Variants in SLC9C1 observed in about 807,000 individuals in gnomAD.
SLC9C1 encodes the protein sodium/hydrogen exchanger 10.
SLC9C1 carries 97 observed loss-of-function variants against 140.9 expected under a neutral mutation model. That is an observed-to-expected ratio of 0.69 (90% CI 0.58 to 0.82). SLC9C1 has a LOEUF of 0.82. Among genes scored for constraint, SLC9C1 ranks in the 40% least tolerant of loss-of-function variants. The pLI, the probability that SLC9C1 is intolerant of heterozygous loss-of-function variation, is 0.00. For synonymous variants in SLC9C1, 440 were observed against 442.6 expected (o/e 0.99, Z 0.07); for missense variants, 1,340 against 1,389.3 (o/e 0.96, Z 0.56).
intron 28 of SLC9C1, among the ~76,000 whole-genome samples, chr3:112,150,412 C>G (rs2074922683): frequency 6.6e-6 from 1 of 152,132 alleles, no homozygotes; most frequent in Admixed American, 6.5e-5. Flanking sequence ...GGGAAGCTCT[C>G]TACTTCTCTC....
At chr3:112,233,858 G>A (rs1287567241) in intron 12 of SLC9C1, among the ~76,000 whole-genome samples, 5 of 151,944 alleles carry the variant, frequency 3.3e-5, no homozygotes, top group African/African-American at 1.2e-4. Context: ...TATGTGCCAC[G>A]TTTTCTTAAT....
intron 26 of SLC9C1, 130 bp downstream of exon 26, chr3:112,167,091 G>A (rs185335342): frequency 8.7e-5 from 81 of 927,102 alleles, no homozygotes; most frequent in Non-Finnish European, 9.3e-5. Flanking sequence ...ACATTGAATA[G>A]CAAATATGGC....
At chr3:112,186,010 C>T (rs2077532617) in intron 20 of SLC9C1, 2 of 1,506,252 alleles carry the variant, frequency 1.3e-6, no homozygotes, top group East Asian at 4.7e-5. Flanking sequence ...TATTTAGCAC[C>T]TTTTCTTATG....
In SLC9C1 at chr3:112,169,195, A is replaced by G; in HGVS notation, c.3051+2T>C. The stretch of plus-strand genomic sequence containing the variant: ...AGACAAGTTTATACAAGCACTTCCT[A>G]CCTCATAAGATAAGTGTTCTCTGAT... On this transcript the variant is annotated splice_donor_variant, in intron 24 of 28. Coordinates refer to ENST00000305815, the MANE Select transcript of SLC9C1 (RefSeq NM_183061.3). LOFTEE classifies it high-confidence loss of function. The G allele has an allele frequency of 6.2e-7, 1 of 1,610,860 alleles. No homozygotes were observed. Among genetic ancestry groups the G allele is most frequent in the Non-Finnish European group, 8.5e-7 (1 of 1,179,088 alleles).
Position 112,257,827 on chromosome 3 carries a change from T to A in SLC9C1, c.1197+5097A>T, listed in dbSNP as rs11923576. ...CTGACAAAGGTCTAATATCCAGCAT[T>A]TATAAGGAACTTAAACAAATTTACA... On this transcript the variant is annotated intron_variant, in intron 10 of 28. Transcript: ENST00000305815. 6.1e-3 allele frequency among the ~76,000 whole-genome samples: 924 copies of A among 152,134 alleles called. 13 individuals are homozygous for A. The highest frequency in any genetic ancestry group is 0.021 in the African/African-American group (884 of 41,508).
chr3:112,196,686 T>G (rs943336226), intron 20 of SLC9C1, among the ~76,000 whole-genome samples: 1 of 152,138 alleles, frequency 6.6e-6, no homozygotes, highest in Non-Finnish European at 1.5e-5. Flanking sequence ...ATTTTTAGAT[T>G]TTCGTTATTG....
chr3:112,191,873 T>G (rs1025637753), intron 20 of SLC9C1, among the ~76,000 whole-genome samples: 1 of 152,088 alleles, frequency 6.6e-6, no homozygotes, highest in African/African-American at 2.4e-5. Flanking sequence ...AATCTATCAT[T>G]TCTTCCTAAT....
At chr3:112,181,546 G>T (rs749419557) in intron 21 of SLC9C1, among the ~76,000 whole-genome samples, 3 of 152,152 alleles carry the variant, frequency 2.0e-5, no homozygotes, top group Admixed American at 6.5e-5. Flanking sequence ...TAGGGGCTGG[G>T]TATTCAAAAG....
At chr3:112,219,301 C>T (rs998217689) in intron 14 of SLC9C1, among the ~76,000 whole-genome samples, 9 of 141,488 alleles carry the variant, frequency 6.4e-5, no homozygotes, top group Non-Finnish European at 1.4e-4. Flanking sequence ...ATCAGCTCAG[C>T]AAAGAAGCAA....
chr3:112,283,783 C>T (rs1263955549), intron 2 of SLC9C1, among the ~76,000 whole-genome samples: 2 of 130,628 alleles, frequency 1.5e-5, no homozygotes, highest in African/African-American at 5.9e-5. Flanking sequence ...TCCATGACCA[C>T]AGTATTGAGA....
intron 26 of SLC9C1, among the ~76,000 whole-genome samples, chr3:112,165,543 C>G (rs887635321): frequency 6.6e-6 from 1 of 152,166 alleles, no homozygotes; most frequent in Non-Finnish European, 1.5e-5. Flanking sequence ...CACTCCAGAC[C>G]CTGTTTGCCT....
At chr3:112,189,182 C>G (rs985352191) in intron 20 of SLC9C1, among the ~76,000 whole-genome samples, 12 of 152,252 alleles carry the variant, frequency 7.9e-5, no homozygotes, top group Non-Finnish European at 1.6e-4. Context: ...TGTAAGTTGC[C>G]TGTTCACTCT....
intron 16 of SLC9C1, among the ~76,000 whole-genome samples, chr3:112,205,700 A>T (rs1395321692): frequency 7.9e-6 from 1 of 126,720 alleles, no homozygotes; most frequent in Non-Finnish European, 1.7e-5. Context: ...ATAATGCTGC[A>T]TATCTACAAC....
intron 20 of SLC9C1, chr3:112,186,012 T>G: frequency 2.7e-6 from 4 of 1,498,312 alleles, no homozygotes; most frequent in Non-Finnish European, 3.6e-6. Flanking sequence ...TTTAGCACCT[T>G]TTCTTATGTG....
intron 20 of SLC9C1, among the ~76,000 whole-genome samples, chr3:112,183,395 T>C (rs927808933): frequency 8.9e-6 from 1 of 112,232 alleles, no homozygotes; most frequent in Non-Finnish European, 1.8e-5. Context: ...AAACAGACTT[T>C]ATTGAAGTAT....
chr3:112,161,601 G>C (rs2075301474), intron 26 of SLC9C1, among the ~76,000 whole-genome samples: 1 of 151,980 alleles, frequency 6.6e-6, no homozygotes, highest in Admixed American at 6.6e-5. Context: ...CGTTATTTCT[G>C]AGGGCTCTGT....
chr3:112,191,077 CT>C (rs1289495820), intron 20 of SLC9C1, among the ~76,000 whole-genome samples: 2 of 151,872 alleles, frequency 1.3e-5, no homozygotes, highest in Non-Finnish European at 2.9e-5. Flanking sequence ...TATCCTACAA[CT>C]TTACTAAATT....
intron 3 of SLC9C1, among the ~76,000 whole-genome samples, chr3:112,280,373 C>A (rs2080324308): frequency 6.6e-6 from 1 of 152,174 alleles, no homozygotes; most frequent in African/African-American, 2.4e-5. Context: ...ATGTCATTAG[C>A]CATTTTTTTC....
chr3:112,151,582 G>A, intron 28 of SLC9C1: 1 of 526,598 alleles, frequency 1.9e-6, no homozygotes, highest in Admixed American at 2.2e-5. Context: ...CTGCTAAATT[G>A]AGAGCAGCCA....
Sources: allele counts gnomAD v4.1 joint callset (sites outside exome capture counted in the v4.1 genomes callset), GRCh38; gene constraint gnomAD v4.1.1; transcripts MANE v1.5; gene names NCBI Gene and HGNC (gene_info 2026-07-23, HGNC 2026-07-21).